TPP2: variants seen among roughly 807,000 people sequenced by gnomAD.
TPP2 encodes the protein tripeptidyl peptidase 2.
In TPP2, 34 loss-of-function variants were observed where a neutral mutation model predicts 155.9. That is an observed-to-expected ratio of 0.22 (90% CI 0.17 to 0.29). The LOEUF (loss-of-function observed/expected upper bound fraction) is 0.29. TPP2 is among the 10% of genes least tolerant of loss of function. The pLI is 1.00. For synonymous variants in TPP2, 510 were observed against 529.4 expected, an observed-to-expected ratio of 0.96 and a Z score of 0.50; for missense variants, 1,028 against 1,522.3, an observed-to-expected ratio of 0.68 and a Z score of 5.40.
At position 102,649,159 on chromosome 13, in the gene TPP2, A is replaced by T; in HGVS notation, c.2873+8A>T. ...TTCCTTACCTGATGATAAGTAAGTGATAACATTGCTTATACTTACTGCCCA... is the reference window on the plus strand; with the variant it reads ...TTCCTTACCTGATGATAAGTAAGTGTTAACATTGCTTATACTTACTGCCCA... On this transcript the variant is annotated splice_region_variant and intron_variant, in intron 22 of 29. Coordinates refer to ENST00000376052, the MANE Select transcript of TPP2 (RefSeq NM_001330588.2). 1 of 1,595,804 alleles carries T rather than the reference A, an allele frequency of 6.3e-7. No individual in the cohort carries two copies. Among genetic ancestry groups the T allele is most frequent in the Non-Finnish European group, 8.5e-7 (1 of 1,171,858 alleles).
intron 13 of TPP2, 34 bp downstream of exon 13, chr13:102,636,426 C>G: frequency 6.3e-7 from 1 of 1,588,862 alleles, no homozygotes; most frequent in African/African-American, 1.3e-5. Flanking sequence ...CTGACGTATT[C>G]ACATTTGCTG....
At chr13:102,661,084 C>T (rs1320861489) in intron 25 of TPP2, among the ~76,000 whole-genome samples, 6 of 144,738 alleles carry the variant, frequency 4.1e-5, no homozygotes, top group Non-Finnish European at 1.5e-5. Context: ...TTTAAAGATA[C>T]CAAAAGCATA....
intron 6 of TPP2, among the ~76,000 whole-genome samples, chr13:102,626,481 T>TA (rs1435188964): frequency 6.6e-6 from 1 of 152,218 alleles, no homozygotes; most frequent in African/African-American, 2.4e-5. Context: ...GTGTCTTAGT[T>TA]ACATGTGCAC....
intron 24 of TPP2, among the ~76,000 whole-genome samples, chr13:102,655,871 G>T (rs1883828460): frequency 6.6e-6 from 1 of 151,942 alleles, no homozygotes; most frequent in Non-Finnish European, 1.5e-5. Context: ...TTTCCTCAAG[G>T]CTTCCGTGAT....
chr13:102,668,358 CT>C (rs1884744109), intron 27 of TPP2, among the ~76,000 whole-genome samples: 1 of 152,180 alleles, frequency 6.6e-6, no homozygotes, highest in South Asian at 2.1e-4. Flanking sequence ...TCCCCATTTT[CT>C]GTTTTTTTGC....
rs552027598 is a variant in TPP2, at chr13:102,645,754, T to G, written c.2394-540T>G. On this transcript the variant is annotated intron_variant, in intron 19 of 29. Coordinates refer to ENST00000376052, the MANE Select transcript of TPP2 (RefSeq NM_001330588.2). ...GACATTTTAAACTATATTTAAAACT[T>G]ACTCTTCAGTGTCAGTTTTCTCCTT... is the stretch of plus-strand genomic sequence containing the variant. Among the ~76,000 whole-genome samples the G allele has an allele frequency of 2.0e-5, 3 of 152,366 alleles. No homozygotes were observed. The South Asian group carries it at 6.2e-4, about 32-fold the overall frequency.
chr13:102,626,519 G>A (rs189796818), intron 6 of TPP2, among the ~76,000 whole-genome samples: 2 of 152,240 alleles, frequency 1.3e-5, no homozygotes, highest in East Asian at 3.9e-4. Flanking sequence ...GTACCTAGAG[G>A]TAGGATGGCT....
chr13:102,647,504 T>G (rs938717180), intron 21 of TPP2, among the ~76,000 whole-genome samples, 160 bp downstream of exon 21: 3 of 152,240 alleles, frequency 2.0e-5, no homozygotes, highest in Non-Finnish European at 4.4e-5. Context: ...TTTGTTGTAG[T>G]CGGTGAAGAA....
At chr13:102,613,575 A>T (rs1415398220) in intron 2 of TPP2, among the ~76,000 whole-genome samples, 1 of 152,194 alleles carries the variant, frequency 6.6e-6, no homozygotes. Context: ...TTAGTGATAG[A>T]GTTTGGATTC....
intron 17 of TPP2, among the ~76,000 whole-genome samples, chr13:102,644,320 T>A (rs1882957099): frequency 6.6e-6 from 1 of 152,220 alleles, no homozygotes; most frequent in African/African-American, 2.4e-5. Flanking sequence ...CTGCCTAGGA[T>A]CTTTTATGAC....
At chr13:102,628,257 C>T (rs1007894123) in intron 8 of TPP2, among the ~76,000 whole-genome samples, 1 of 152,142 alleles carries the variant, frequency 6.6e-6, no homozygotes, top group Non-Finnish European at 1.5e-5. Context: ...AACCCACAGA[C>T]TCTGGTGTTT....
intron 27 of TPP2, among the ~76,000 whole-genome samples, chr13:102,671,328 G>T (rs748229453): frequency 3.2e-4 from 49 of 152,114 alleles, no homozygotes; most frequent in Non-Finnish European, 6.3e-4. Context: ...TGAGGAAAAT[G>T]GGCAAATTCC....
intron 25 of TPP2, among the ~76,000 whole-genome samples, chr13:102,661,189 C>G (rs1334449321): frequency 1.3e-5 from 2 of 151,268 alleles, no homozygotes; most frequent in South Asian, 4.2e-4. Context: ...AAAAGAACGG[C>G]CTATTTGCAA....
At chr13:102,649,199 G>T (rs750532470) in intron 22 of TPP2, 48 bp downstream of exon 22, 2 of 1,537,568 alleles carry the variant, frequency 1.3e-6, no homozygotes, top group South Asian at 1.3e-5. Flanking sequence ...ATACACTGTA[G>T]TCCTTTTAAT....
chr13:102,649,528 AATTTC>A lies in TPP2; in HGVS notation c.2952+48_2952+52del, dbSNP rs760030042. The A allele has an allele frequency of 2.6e-6, 4 of 1,531,726 alleles. No individual in the cohort carries two copies. The East Asian group carries it at 9.1e-5, about 35-fold the overall frequency. 94.9% of individuals were successfully genotyped at this position (1,531,726 alleles called of 1,614,324 possible). A position where few individuals can be genotyped will look rare whatever the true frequency, so the allele number is the denominator to read the frequency against. ...TAAACACTGAAATTACCTATTAAAA[AATTTC>A]ATTTCTTTAAAGATAAGAATTAATT... On this transcript the variant is annotated intron_variant, in intron 23 of 29. Transcript: ENST00000376052.
At chr13:102,642,651 G>C (rs992706771) in intron 16 of TPP2, among the ~76,000 whole-genome samples, 4 of 152,114 alleles carry the variant, frequency 2.6e-5, no homozygotes, top group African/African-American at 9.7e-5. Context: ...GTGTTCTTTA[G>C]AAAAGCTGCC....
Position 102,637,150 on chromosome 13 carries a change from C to A in TPP2, c.1747C>A (p.Pro583Thr). Residue 583 changes from proline (P) to threonine (T), a missense_variant, in exon 14 of 30, where the codon CCC (proline) becomes ACC (threonine). Pro to Thr is a conservative substitution (Grantham distance 38). This residue lies in a region of TPP2 where 325 missense variants were observed against 463.7 expected (regional missense o/e 0.70). Coordinates refer to ENST00000376052, the MANE Select transcript of TPP2 (RefSeq NM_001330588.2). Reference sequence around the variant, plus strand: ...TTCAAATTCATCTTGGGTTCAGTGTCCCAGCCATTTGGAACTCATGAATCA... The same window carrying A: ...TTCAAATTCATCTTGGGTTCAGTGTACCAGCCATTTGGAACTCATGAATCA... ...LTSNSSWVQC[P>T]SHLELMNQCR... The A allele has an allele frequency of 6.2e-7, 1 of 1,613,140 alleles. No homozygotes were observed. Among genetic ancestry groups the A allele is most frequent in the Non-Finnish European group, 8.5e-7 (1 of 1,179,828 alleles).
chr13:102,638,386 AC>A (rs1490946691), intron 15 of TPP2, 71 bp downstream of exon 15: 1 of 1,469,234 alleles, frequency 6.8e-7, no homozygotes, highest in Non-Finnish European at 9.5e-7. Flanking sequence ...AGTCTTGTGG[AC>A]TTTTAATGAT....
At chr13:102,620,991 A>C (rs760476256) in intron 5 of TPP2, among the ~76,000 whole-genome samples, 2 of 152,196 alleles carry the variant, frequency 1.3e-5, no homozygotes, top group Non-Finnish European at 2.9e-5. Flanking sequence ...CTCCCCACTT[A>C]CATGTACCCT....
Sources: gnomAD v4.1 joint callset for allele counts (sites outside exome capture counted in the v4.1 genomes callset) on GRCh38, gnomAD v4.1.1 for gene constraint, gnomAD v4.1.1 regional missense constraint, MANE v1.5 for transcripts, NCBI Gene and HGNC (gene_info 2026-07-23, HGNC 2026-07-21) for gene names.